Variants in GRHL1 observed in about 807,000 individuals in gnomAD.
GRHL1 encodes the protein grainyhead like transcription factor 1.
In GRHL1, 38 loss-of-function variants were observed where a neutral mutation model predicts 75.7. The ratio of observed to expected loss-of-function variants is 0.50; its 90% confidence interval spans 0.39 to 0.66. GRHL1 has a LOEUF of 0.66. Among genes scored for constraint, GRHL1 ranks in the 30% least tolerant of loss-of-function variants. GRHL1 has a pLI of 0.00. For missense variants in GRHL1, 589 were observed against 767.5 expected, an observed-to-expected ratio of 0.77 and a Z score of 2.75; for synonymous variants, 266 against 279.4, an observed-to-expected ratio of 0.95 and a Z score of 0.48.
intron 9 of GRHL1, among the ~76,000 whole-genome samples, chr2:9,988,702 A>G (rs1668523771): frequency 6.6e-6 from 1 of 151,996 alleles, no homozygotes; most frequent in Admixed American, 6.5e-5. Flanking sequence ...AGCAGCCAGC[A>G]TGGTTTGAGG....
chr2:9,952,710 A>G (rs1572324686), intron 1 of GRHL1, among the ~76,000 whole-genome samples: 1 of 152,250 alleles, frequency 6.6e-6, no homozygotes, highest in Non-Finnish European at 1.5e-5. Context: ...AAAATTTTAA[A>G]AACTTACTAA....
intron 7 of GRHL1, chr2:9,964,567 A>G (rs1172116803): frequency 4.4e-6 from 2 of 449,920 alleles, no homozygotes; most frequent in Non-Finnish European, 7.9e-6. Flanking sequence ...GGCTTTCCAC[A>G]GGACACTAGG....
At chr2:9,982,459 G>C (rs1401696827) in intron 8 of GRHL1, among the ~76,000 whole-genome samples, 1 of 152,204 alleles carries the variant, frequency 6.6e-6, no homozygotes, top group Non-Finnish European at 1.5e-5. Context: ...GAATCTCTGG[G>C]GTGTAGCCAG....
In GRHL1 at chr2:9,963,913, T is replaced by C. The variant is rs927975506; in HGVS notation, c.774T>C (p.Ala258=). Residue 258 remains alanine (A), a synonymous_variant, in exon 6 of 16, where the codon GCT becomes GCC. Coordinates refer to ENST00000324907, the MANE Select transcript of GRHL1 (RefSeq NM_198182.3). ...ACAACTTTGAATATACCCTAGAAGCTTCAAAATCACTTCGACAGAAGCCAG... is the reference window on the plus strand; with the variant it reads ...ACAACTTTGAATATACCCTAGAAGCCTCAAAATCACTTCGACAGAAGCCAG... ...SGNNFEYTLE[A]SKSLRQKPGD... is the part of the protein sequence containing the mutation. 2 of 1,613,830 alleles carry C rather than the reference T, an allele frequency of 1.2e-6. No individual in the cohort carries two copies. Among genetic ancestry groups the C allele is most frequent in the African/African-American group, 2.7e-5 (2 of 74,892 alleles).
At chr2:9,979,751 C>T (rs3791759) in intron 8 of GRHL1, among the ~76,000 whole-genome samples, 78,634 of 151,922 alleles carry the variant, frequency 0.52, 21,188 homozygotes, top group African/African-American at 0.67. Context: ...TTTTAAAGAG[C>T]AACAGCCTTT....
At chr2:9,996,504 C>T in intron 14 of GRHL1, 103 bp downstream of exon 14, 1 of 837,372 alleles carries the variant, frequency 1.2e-6, no homozygotes, top group Non-Finnish European at 2.0e-6. Context: ...TTTGTCAGAC[C>T]TTCTGGAATC....
chr2:9,978,916 G>A (rs146462212), intron 8 of GRHL1, among the ~76,000 whole-genome samples: 8 of 152,062 alleles, frequency 5.3e-5, no homozygotes, highest in Middle Eastern at 6.8e-3. Flanking sequence ...ACTTCAACCC[G>A]GGAGGCGGAG....
chr2:9,998,483 T>TATATATAC (rs1668993855), intron 14 of GRHL1, among the ~76,000 whole-genome samples: 1 of 4,754 alleles, frequency 2.1e-4, no homozygotes, highest in Non-Finnish European at 3.4e-4. Flanking sequence ...TATATATACA[T>TATATATAC]ATATATACGT....
chr2:9,952,243 C>T (rs1666819481), intron 1 of GRHL1, among the ~76,000 whole-genome samples: 1 of 152,146 alleles, frequency 6.6e-6, no homozygotes, highest in Non-Finnish European at 1.5e-5. Flanking sequence ...GCCCGGTCGG[C>T]CTCGGGAGCC....
Position 9,998,723 on chromosome 2 carries a change from C to CAT in GRHL1, c.1678-236_1678-235dup, listed in dbSNP as rs536029427. On this transcript the variant is annotated intron_variant, in intron 14 of 15. Coordinates refer to ENST00000324907, the MANE Select transcript of GRHL1 (RefSeq NM_198182.3). The stretch of plus-strand genomic sequence containing the variant: ...ATATATATACATATATATGTACACA[C>CAT]ATATATACGTATATATGTACACACA... 1.4e-3 allele frequency among the ~76,000 whole-genome samples: 55 copies of CAT among 39,762 alleles called. 7 individuals are homozygous for CAT. Among genetic ancestry groups the CAT allele is most frequent in the African/African-American group, 2.7e-3 (14 of 5,136 alleles). 26.1% of individuals were successfully genotyped at this position (39,762 alleles called of 152,430 possible).
At chr2:9,967,285 CAGG>C (rs1667533514) in intron 8 of GRHL1, among the ~76,000 whole-genome samples, 1 of 152,216 alleles carries the variant, frequency 6.6e-6, no homozygotes, top group Non-Finnish European at 1.5e-5. Context: ...TGGGTGTGGT[CAGG>C]ATTAATAAGC....
intron 4 of GRHL1, 72 bp downstream of exon 4, chr2:9,961,508 T>A: frequency 7.1e-7 from 1 of 1,404,804 alleles, no homozygotes; most frequent in Non-Finnish European, 9.7e-7. Context: ...CTTTTCCTTG[T>A]TATGTAAGCA....
At chr2:9,993,133 T>G in intron 11 of GRHL1, 74 bp from the exon 12 acceptor site, 1 of 1,063,840 alleles carries the variant, frequency 9.4e-7, no homozygotes, top group Non-Finnish European at 1.5e-6. Context: ...ATTATTTCCA[T>G]TTTAGGAATA....
At chr2:9,984,295 A>T (rs1405247004) in intron 8 of GRHL1, among the ~76,000 whole-genome samples, 1 of 152,200 alleles carries the variant, frequency 6.6e-6, no homozygotes, top group Non-Finnish European at 1.5e-5. Context: ...CCCAGGGGCT[A>T]GAAGGAATCT....
In GRHL1 at chr2:9,951,897, TG is replaced by T; in HGVS notation, c.20+45del. On this transcript the variant is annotated intron_variant, in intron 1 of 15. Coordinates refer to ENST00000324907, the MANE Select transcript of GRHL1 (RefSeq NM_198182.3). The surrounding 1 kb of genome is among the most constrained non-coding windows in gnomAD (Gnocchi z 4.2). ...TCCGGCCGCCGCGGGGGGGCCGCGC[TG>T]AGGGGCCGCACCTGCAGCGAGCGAG... 7.3e-7 allele frequency: 1 copy of T among 1,370,506 alleles called. No individual in the cohort carries two copies. Among genetic ancestry groups the T allele is most frequent in the South Asian group, 1.4e-5 (1 of 71,258 alleles). The allele number at this position is 1,370,506 out of a possible 1,614,324, so 84.9% of individuals were successfully genotyped here.
intron 8 of GRHL1, among the ~76,000 whole-genome samples, chr2:9,969,886 A>G (rs1182281412): frequency 7.9e-6 from 1 of 126,146 alleles, no homozygotes; most frequent in East Asian, 2.3e-4. Context: ...TCTTTCGCCC[A>G]GGCTGGACTG....
At chr2:9,978,505 AT>A (rs1412917557) in intron 8 of GRHL1, among the ~76,000 whole-genome samples, 2 of 152,184 alleles carry the variant, frequency 1.3e-5, no homozygotes, top group Non-Finnish European at 2.9e-5. Flanking sequence ...TTGGAGCTGG[AT>A]TTTGGAAGGC....
In GRHL1 at chr2:9,996,204, G is replaced by A. The variant is rs1008627683; in HGVS notation, c.1592-112G>A. 8.8e-6 allele frequency: 7 copies of A among 795,210 alleles called. No individual in the cohort carries two copies. In the East Asian group the frequency reaches 1.2e-4, roughly 14 times the overall value. The allele number at this position is 795,210 out of a possible 1,614,324, so 49.3% of individuals were successfully genotyped here. A position where few individuals can be genotyped will look rare whatever the true frequency, so the allele number is the denominator to read the frequency against. ...GATGCTTGTCATCCTTGATGTGAAT[G>A]TGGTTTTTATTTTAGCTGGTACCGT... On this transcript the variant is annotated intron_variant, in intron 13 of 15. Transcript: ENST00000324907.
In GRHL1 at chr2:10,002,201, T is replaced by A. The variant is rs1413102486; in HGVS notation, c.*1494T>A. 2.0e-5 allele frequency: 3 copies of A among 152,650 alleles called. No individual in the cohort carries two copies. The highest frequency in any genetic ancestry group is 4.4e-5 in the Non-Finnish European group (3 of 68,034). The allele number at this position is 152,650 out of a possible 1,614,324, so 9.5% of individuals were successfully genotyped here. ...ATTTTTTATGAAGTTGATTTTGTCTTGCGTGTTATTTTTAATTGTATCATT... is the reference window on the plus strand; with the variant it reads ...ATTTTTTATGAAGTTGATTTTGTCTAGCGTGTTATTTTTAATTGTATCATT... On this transcript the variant is annotated 3_prime_UTR_variant, in exon 16 of 16. Coordinates refer to ENST00000324907, the MANE Select transcript of GRHL1 (RefSeq NM_198182.3).
Sources: allele counts gnomAD v4.1 joint callset (sites outside exome capture counted in the v4.1 genomes callset), GRCh38; gene constraint gnomAD v4.1.1; non-coding constraint Gnocchi (gnomAD v3.1); transcripts MANE v1.5; gene names NCBI Gene and HGNC (gene_info 2026-07-23, HGNC 2026-07-21).